Variants in STAG2 observed in about 807,000 individuals in gnomAD.
STAG2 encodes the protein cohesin subunit SA-2.
In STAG2, 14 loss-of-function variants were observed where a neutral mutation model predicts 108.1. That is an observed-to-expected ratio of 0.13 (90% CI 0.09 to 0.20). The LOEUF (loss-of-function observed/expected upper bound fraction) is 0.20. Among genes scored for constraint, STAG2 ranks in the 10% least tolerant of loss-of-function variants. The pLI, the probability that STAG2 is intolerant of heterozygous loss-of-function variation, is 1.00. For synonymous variants in STAG2, 307 were observed against 302.7 expected, an observed-to-expected ratio of 1.01 and a Z score of -0.15; for missense variants, 440 against 940.9, an observed-to-expected ratio of 0.47 and a Z score of 6.96.
intron 4 of STAG2, among the ~76,000 whole-genome samples, chrX:124,027,346 CTT>C (rs1421908986): frequency 1.5e-4 from 17 of 112,468 alleles, no homozygotes; most frequent in African/African-American, 5.5e-4. Context: ...TGTGTGCTCT[CTT>C]ATTTCTTTAA....
chrX:124,007,545 T>C (rs1446663232), intron 1 of STAG2, among the ~76,000 whole-genome samples: 1 of 111,913 alleles, frequency 8.9e-6, no homozygotes, highest in Non-Finnish European at 1.9e-5. Flanking sequence ...TATGACATTT[T>C]CCTTATTCAA....
chrX:124,009,439 GTAGGTAGATAGA>G (rs1413574688), intron 1 of STAG2, among the ~76,000 whole-genome samples: 31 of 62,497 alleles, frequency 5.0e-4, no homozygotes, highest in South Asian at 3.6e-3. Context: ...AGGTAGGTAG[GTAGGTAGATAGA>G]TAGATAGATA....
At chrX:124,089,024 T>G (rs1432224121) in intron 30 of STAG2, among the ~76,000 whole-genome samples, 4 of 106,445 alleles carry the variant, frequency 3.8e-5, no homozygotes, top group Non-Finnish European at 5.8e-5. Flanking sequence ...GAAGCAATTC[T>G]CTTGCCTCAG....
rs755599197 is a variant in STAG2, at chrX:124,063,876, G to A, written c.1850G>A (p.Arg617Gln). The A allele has an allele frequency of 4.1e-6, 5 of 1,208,227 alleles. No homozygotes were observed. Among genetic ancestry groups the A allele is most frequent in the Admixed American group, 4.4e-5 (2 of 45,558 alleles). ...KHLDALLRQI[R>Q]NIVEKHTDTD... ...TTGGATGCCTTATTGCGACAGATCC[G>A]GAATATTGTAGAGAAGCACACAGAT... The change falls in exon 20 of 35, where the codon CGG becomes CAG. Residue 617 changes from arginine (R) to glutamine (Q), a missense_variant. Transcript: ENST00000371145.
intron 1 of STAG2, among the ~76,000 whole-genome samples, chrX:124,008,709 CAG>C (rs1335104845): frequency 9.0e-6 from 1 of 111,314 alleles, no homozygotes; most frequent in Non-Finnish European, 1.9e-5. Flanking sequence ...TGGAGGGAGA[CAG>C]AGGGAGAGGG....
intron 1 of STAG2, among the ~76,000 whole-genome samples, chrX:124,009,868 T>C (rs1248220490): frequency 8.9e-6 from 1 of 112,046 alleles, no homozygotes; most frequent in Non-Finnish European, 1.9e-5. Context: ...CTTTTGATAT[T>C]TTGCTGTAAA....
intron 1 of STAG2, among the ~76,000 whole-genome samples, chrX:123,964,861 A>G (rs2054020406): frequency 9.0e-6 from 1 of 110,522 alleles, no homozygotes; most frequent in South Asian, 3.7e-4. Flanking sequence ...CATTCTGACC[A>G]TTACCCGTAA....
chrX:124,009,056 A>G (rs1435270801), intron 1 of STAG2, among the ~76,000 whole-genome samples: 2 of 111,772 alleles, frequency 1.8e-5, no homozygotes, highest in Admixed American at 9.6e-5. Flanking sequence ...AAGTCTATCC[A>G]AAACAAAAAC....
chrX:124,065,957 T>C lies in STAG2; in HGVS notation c.2096+11T>C. On this transcript the variant is annotated intron_variant, in intron 21 of 34. Coordinates refer to ENST00000371145, the MANE Select transcript of STAG2 (RefSeq NM_001042750.2). ...CACTGCTTTTCATAAGTAAGTTGAA[T>C]TTTGAAGTTCCTGTTTTCTTAAATC... 8.7e-7 allele frequency: 1 copy of C among 1,153,276 alleles called. No homozygotes were observed. Among genetic ancestry groups the C allele is most frequent in the East Asian group, 3.1e-5 (1 of 32,346 alleles).
At chrX:124,042,916 G>T (rs775307614) in intron 7 of STAG2, among the ~76,000 whole-genome samples, 1 of 106,954 alleles carries the variant, frequency 9.3e-6, no homozygotes, top group African/African-American at 3.4e-5. Context: ...TTGGGAGGCT[G>T]AGATAGGAGA....
chrX:123,987,366 A>G (rs1307525907), intron 1 of STAG2, among the ~76,000 whole-genome samples: 1 of 109,949 alleles, frequency 9.1e-6, no homozygotes, highest in Non-Finnish European at 1.9e-5. Context: ...CTCCTGCCTC[A>G]CCCTCCTGAG....
chrX:124,073,424 G>A (rs763006822), intron 25 of STAG2, among the ~76,000 whole-genome samples: 1 of 110,711 alleles, frequency 9.0e-6, no homozygotes, highest in East Asian at 2.8e-4. Flanking sequence ...GTGTGTATGT[G>A]TGTGTTTGTG....
At chrX:124,067,881 A>T in intron 23 of STAG2, among the ~76,000 whole-genome samples, 1 of 110,620 alleles carries the variant, frequency 9.0e-6, no homozygotes, top group Non-Finnish European at 1.9e-5. Context: ...AAAATACAAA[A>T]ATTAGCCAGG....
intron 1 of STAG2, among the ~76,000 whole-genome samples, chrX:123,971,158 G>T (rs919624591): frequency 8.9e-6 from 1 of 112,251 alleles, no homozygotes; most frequent in Admixed American, 9.4e-5. Context: ...GGCTGGGCGC[G>T]GTGGCTCATG....
intron 5 of STAG2, among the ~76,000 whole-genome samples, chrX:124,034,844 A>G (rs908672783): frequency 9.3e-6 from 1 of 107,693 alleles, no homozygotes; most frequent in African/African-American, 3.3e-5. Flanking sequence ...GCCAGGATAT[A>G]CCTATCTCAG....
intron 4 of STAG2, among the ~76,000 whole-genome samples, chrX:124,030,291 A>G: frequency 8.9e-6 from 1 of 112,225 alleles, no homozygotes. Context: ...TTGATTTACT[A>G]CACCCTTGAG....
chrX:124,099,620 C>T (rs1184713186), intron 34 of STAG2, among the ~76,000 whole-genome samples: 1 of 111,591 alleles, frequency 9.0e-6, no homozygotes, highest in East Asian at 2.8e-4. Context: ...TCTGCAAATA[C>T]ACAGTTTCTT....
At chrX:124,019,181 CTCTGGAGTAGCTGGGACTACAGG>C (rs1197931642) in intron 1 of STAG2, among the ~76,000 whole-genome samples, 1 of 107,616 alleles carries the variant, frequency 9.3e-6, no homozygotes, top group Non-Finnish European at 1.9e-5. Context: ...CTGCCTCAGC[CTCTGGAGTAGCTGGGACTACAGG>C]CGCCTGCCAC....
chrX:124,014,474 C>T (rs1482041495), intron 1 of STAG2, among the ~76,000 whole-genome samples: 4 of 110,633 alleles, frequency 3.6e-5, no homozygotes, highest in African/African-American at 9.9e-5. Context: ...GATTCTCATG[C>T]CTCAGCCTCT....
Sources: gnomAD v4.1 joint callset for allele counts (sites outside exome capture counted in the v4.1 genomes callset) on GRCh38, gnomAD v4.1.1 for gene constraint, MANE v1.5 for transcripts, NCBI Gene and HGNC (gene_info 2026-07-23, HGNC 2026-07-21) for gene names.